The following RASGRF2 variants were observed in gnomAD, a reference collection of about 807,000 sequenced individuals.
RASGRF2 encodes Ras protein specific guanine nucleotide releasing factor 2.
Under a neutral mutation model 151.0 loss-of-function variants are expected in RASGRF2, and 76 were observed. The ratio of observed to expected loss-of-function variants is 0.50; its 90% CI spans 0.42 to 0.61. The LOEUF is 0.61. Ranked by LOEUF, RASGRF2 falls within the 20% of genes least tolerant of loss-of-function variation. RASGRF2 has a pLI of 0.00. For synonymous variants in RASGRF2, 504 were observed against 566.5 expected (o/e 0.89, Z 1.57); for missense variants, 1,148 against 1,564.6 (o/e 0.73, Z 4.49).
At chr5:81,054,972 A>C (rs1175067597) in intron 2 of RASGRF2, among the ~76,000 whole-genome samples, 6 of 152,160 alleles carry the variant, frequency 3.9e-5, no homozygotes, top group Non-Finnish European at 7.4e-5. Flanking sequence ...TTGCACACTG[A>C]TTTTGTTTCC....
At chr5:81,021,168 A>G (rs995617170) in intron 1 of RASGRF2, among the ~76,000 whole-genome samples, 15 of 152,186 alleles carry the variant, frequency 9.9e-5, no homozygotes, top group African/African-American at 3.6e-4. Flanking sequence ...CAGCCTATGT[A>G]AGATTTGCTA....
At chr5:81,016,288 G>A (rs1749634744) in intron 1 of RASGRF2, among the ~76,000 whole-genome samples, 1 of 152,222 alleles carries the variant, frequency 6.6e-6, no homozygotes, top group Non-Finnish European at 1.5e-5. Flanking sequence ...CCCCCATGCA[G>A]CAAGCTTCCC....
intron 1 of RASGRF2, among the ~76,000 whole-genome samples, chr5:80,977,285 A>G (rs1202291312): frequency 2.0e-5 from 3 of 152,122 alleles, no homozygotes; most frequent in African/African-American, 7.2e-5. Context: ...CCCAAGTTCA[A>G]GTTCTAGATC....
intron 1 of RASGRF2, among the ~76,000 whole-genome samples, chr5:80,971,071 A>C (rs1747915235): frequency 6.6e-6 from 1 of 152,234 alleles, no homozygotes; most frequent in South Asian, 2.1e-4. Flanking sequence ...ATAAATTAAA[A>C]ATAAACCTAT....
rs374246258 is a variant in RASGRF2, at chr5:81,085,754, G to A, written c.1162-48G>A. 5 of 1,609,376 alleles carry A rather than the reference G, an allele frequency of 3.1e-6. No homozygotes were observed. In the African/African-American group the frequency reaches 4.0e-5, roughly 13 times the overall value. On this transcript the variant is annotated intron_variant, in intron 7 of 26. Transcript: ENST00000265080. ...GATGGCCCTGCGGAGCATGTGCCCT[G>A]TCACCCATCCTGATGTCTTGCTCAT...
intron 1 of RASGRF2, among the ~76,000 whole-genome samples, chr5:80,963,210 G>A (rs1051943750): frequency 6.6e-6 from 1 of 152,336 alleles, no homozygotes; most frequent in African/African-American, 2.4e-5. Flanking sequence ...GAGGTGCTTA[G>A]ATCATCCAGA....
intron 1 of RASGRF2, among the ~76,000 whole-genome samples, chr5:80,976,704 C>G (rs145706812): frequency 6.6e-6 from 1 of 152,276 alleles, no homozygotes; most frequent in African/African-American, 2.4e-5. Context: ...CCACAAGGTG[C>G]CTGGCACTGA....
chr5:81,022,422 C>T (rs1749860936), intron 1 of RASGRF2, among the ~76,000 whole-genome samples: 1 of 152,144 alleles, frequency 6.6e-6, no homozygotes, highest in Non-Finnish European at 1.5e-5. Context: ...GATGTGGTCC[C>T]CACCTCTAGG....
intron 1 of RASGRF2, among the ~76,000 whole-genome samples, chr5:80,976,281 A>G (rs1748112078): frequency 6.6e-6 from 1 of 152,162 alleles, no homozygotes; most frequent in South Asian, 2.1e-4. Context: ...CACTTTCCAT[A>G]TATTATCCCA....
intron 9 of RASGRF2, among the ~76,000 whole-genome samples, chr5:81,090,442 G>A (rs563152556): frequency 6.6e-5 from 10 of 152,266 alleles, no homozygotes; most frequent in Admixed American, 2.6e-4. Flanking sequence ...ATTAGCTAGC[G>A]AGGAATCCTT....
intron 18 of RASGRF2, among the ~76,000 whole-genome samples, chr5:81,181,649 A>T (rs1238347386): frequency 1.3e-5 from 2 of 151,848 alleles, no homozygotes; most frequent in Non-Finnish European, 2.9e-5. Context: ...TTCCTCTCTG[A>T]TTTTTTCTCA....
intron 1 of RASGRF2, among the ~76,000 whole-genome samples, chr5:81,041,870 C>G (rs1750688438): frequency 6.6e-6 from 1 of 152,200 alleles, no homozygotes; most frequent in African/African-American, 2.4e-5. Context: ...ACTCCCACCC[C>G]TGACCTCTGG....
intron 1 of RASGRF2, among the ~76,000 whole-genome samples, chr5:80,975,313 A>AT (rs200410389): frequency 4.3e-4 from 62 of 145,324 alleles, no homozygotes; most frequent in Middle Eastern, 3.4e-3. Context: ...GTTCAAACAG[A>AT]TTTTTTTTTT....
At chr5:81,134,987 C>T (rs773573326) in intron 17 of RASGRF2, among the ~76,000 whole-genome samples, 8 of 151,790 alleles carry the variant, frequency 5.3e-5, no homozygotes, top group African/African-American at 9.7e-5. Flanking sequence ...CTATAATTCA[C>T]GTACCATACA....
intron 2 of RASGRF2, among the ~76,000 whole-genome samples, chr5:81,060,485 C>G (rs1395620523): frequency 6.6e-6 from 1 of 152,060 alleles, no homozygotes; most frequent in Non-Finnish European, 1.5e-5. Context: ...TACCATTTTT[C>G]CTCTACAGTA....
chr5:81,127,459 G>C (rs1271278651), intron 17 of RASGRF2, among the ~76,000 whole-genome samples: 1 of 152,088 alleles, frequency 6.6e-6, no homozygotes, highest in African/African-American at 2.4e-5. Context: ...GGAGGCTGAG[G>C]CTACAGTGAG....
chr5:81,051,868 C>T (rs1751021204), intron 2 of RASGRF2, among the ~76,000 whole-genome samples: 1 of 152,130 alleles, frequency 6.6e-6, no homozygotes, highest in Non-Finnish European at 1.5e-5. Context: ...TTTGGTAACT[C>T]TATGTTTAAC....
chr5:81,058,775 C>CAAAAAAAAAAAA (rs56875865), intron 2 of RASGRF2, among the ~76,000 whole-genome samples: 1 of 70,114 alleles, frequency 1.4e-5, no homozygotes, highest in African/African-American at 5.8e-5. Context: ...GGCCCTGTAT[C>CAAAAAAAAAAAA]AAAAAAAAAA....
chr5:81,052,536 T>C (rs181781722), intron 2 of RASGRF2, among the ~76,000 whole-genome samples: 1 of 152,276 alleles, frequency 6.6e-6, no homozygotes, highest in African/African-American at 2.4e-5. Flanking sequence ...TTCCATTTAC[T>C]GTAGAGCAGA....
Sources: gnomAD v4.1 joint callset for allele counts (sites outside exome capture counted in the v4.1 genomes callset) on GRCh38, gnomAD v4.1.1 for gene constraint, MANE v1.5 for transcripts, NCBI Gene and HGNC (gene_info 2026-07-23, HGNC 2026-07-21) for gene names.